TDRD9: variants seen among roughly 807,000 people sequenced by gnomAD.
The protein encoded by TDRD9 is ATP-dependent RNA helicase TDRD9.
A neutral mutation model predicts 172.6 loss-of-function variants in TDRD9; 124 were observed. The ratio of observed to expected loss-of-function variants is 0.72; its 90% CI spans 0.62 to 0.83. TDRD9 has a LOEUF of 0.83. Ranked by LOEUF, TDRD9 falls within the 40% of genes least tolerant of loss-of-function variation. The pLI, the probability that TDRD9 is intolerant of heterozygous loss-of-function variation, is 0.00. For missense variants in TDRD9, 1,479 were observed against 1,714.1 expected (o/e 0.86, Z 2.42); for synonymous variants, 619 against 617.1 (o/e 1.00, Z -0.05).
At chr14:104,000,001 G>A (rs1427529516) in intron 13 of TDRD9, among the ~76,000 whole-genome samples, 1 of 151,806 alleles carries the variant, frequency 6.6e-6, no homozygotes, top group Middle Eastern at 3.2e-3. Flanking sequence ...TGCCTAGAGA[G>A]GGGTTAAGAG....
chr14:103,958,961 GAAGGTATGA>G, intron 2 of TDRD9, among the ~76,000 whole-genome samples: 1 of 152,334 alleles, frequency 6.6e-6, no homozygotes, highest in East Asian at 1.9e-4. Flanking sequence ...AGAGCAGTGG[GAAGGTATGA>G]AAGTTTCCAT....
chr14:103,930,988 G>A (rs1041404041), intron 1 of TDRD9, among the ~76,000 whole-genome samples: 2 of 152,018 alleles, frequency 1.3e-5, no homozygotes, highest in Admixed American at 6.6e-5. Flanking sequence ...CATACTAATC[G>A]CAGTTAAAAA....
Position 104,008,644 on chromosome 14 carries a change from T to TA in TDRD9, c.2106+179dup, listed in dbSNP as rs531754667. Reference sequence around the variant, plus strand: ...TTGTGTTTTCACCTTTCAGTAGAACTACTTGGGTTTCTAATAAATACTCCT... The same window carrying TA: ...TTGTGTTTTCACCTTTCAGTAGAACTAACTTGGGTTTCTAATAAATACTCCT... On this transcript the variant is annotated intron_variant, in intron 20 of 35. Transcript: ENST00000409874. 5.1e-3 allele frequency among the ~76,000 whole-genome samples: 776 copies of TA among 152,366 alleles called. 6 individuals are homozygous for TA. Among genetic ancestry groups the TA allele is most frequent in the Middle Eastern group, 0.044 (13 of 294 alleles).
intron 7 of TDRD9, among the ~76,000 whole-genome samples, chr14:103,977,010 C>T (rs1196211059): frequency 1.3e-5 from 2 of 152,200 alleles, no homozygotes; most frequent in Non-Finnish European, 2.9e-5. Flanking sequence ...GTGTGAATCA[C>T]TGCACCCAGC....
chr14:104,025,904 C>T (rs1596002544), intron 26 of TDRD9, 128 bp downstream of exon 26: 4 of 1,002,024 alleles, frequency 4.0e-6, no homozygotes, highest in Non-Finnish European at 6.1e-6. Context: ...AGTCTGTTTC[C>T]CTCATTGATA....
At chr14:103,982,064 A>ACTTGTCATGTTACCTCACC (rs1182021977) in intron 7 of TDRD9, among the ~76,000 whole-genome samples, 1 of 152,026 alleles carries the variant, frequency 6.6e-6, no homozygotes, top group African/African-American at 2.4e-5. Context: ...TACAAGGGAG[A>ACTTGTCATGTTACCTCACC]AGCCCCCTTT....
chr14:103,979,256 A>G (rs1566755543), intron 7 of TDRD9, among the ~76,000 whole-genome samples: 1 of 152,180 alleles, frequency 6.6e-6, no homozygotes. Flanking sequence ...TCCATTGTGT[A>G]TATATTCTCC....
intron 28 of TDRD9, among the ~76,000 whole-genome samples, chr14:104,027,370 G>A (rs1322436902): frequency 6.6e-6 from 1 of 151,930 alleles, no homozygotes; most frequent in Non-Finnish European, 1.5e-5. Flanking sequence ...TATCTTCTTA[G>A]GATAGATTTG....
At chr14:103,985,627 G>T (rs964148369) in intron 7 of TDRD9, among the ~76,000 whole-genome samples, 1 of 152,142 alleles carries the variant, frequency 6.6e-6, no homozygotes, top group Non-Finnish European at 1.5e-5. Context: ...ACATTATCTG[G>T]TCTTGGTGTC....
In TDRD9 at chr14:103,997,756, A is replaced by C. The variant is rs374528888; in HGVS notation, c.1379-868A>C. ...CAGAGGCCTAGACACCCAGTGGGAA[A>C]AGGGTCTTGAGGGGATGGAGTGGAG... On this transcript the variant is annotated intron_variant, in intron 12 of 35. Coordinates refer to ENST00000409874, the MANE Select transcript of TDRD9 (RefSeq NM_153046.3). The surrounding 1 kb of genome is among the most constrained non-coding windows in gnomAD (Gnocchi z 5.1). 2.6e-5 allele frequency among the ~76,000 whole-genome samples: 4 copies of C among 152,152 alleles called. No homozygotes were observed. The highest frequency in any genetic ancestry group is 9.7e-5 in the African/African-American group (4 of 41,444).
chr14:104,041,089 C>T (rs1052188828), intron 33 of TDRD9, among the ~76,000 whole-genome samples: 1 of 152,134 alleles, frequency 6.6e-6, no homozygotes, highest in African/African-American at 2.4e-5. Context: ...GTGAGGTTAA[C>T]ATAACCACAC....
chr14:103,963,841 T>A (rs2032618432), intron 3 of TDRD9, among the ~76,000 whole-genome samples: 1 of 152,236 alleles, frequency 6.6e-6, no homozygotes, highest in South Asian at 2.1e-4. Context: ...AGTATTCAAA[T>A]TAATTTGTAT....
At chr14:104,013,413 G>A (rs1394139907) in intron 20 of TDRD9, among the ~76,000 whole-genome samples, 2 of 152,180 alleles carry the variant, frequency 1.3e-5, no homozygotes, top group African/African-American at 4.8e-5. Flanking sequence ...TCATGGCAGA[G>A]GCTGGGACGT....
chr14:103,995,674 T>C (rs1477425909), intron 11 of TDRD9, 76 bp from the exon 12 acceptor site: 7 of 1,313,350 alleles, frequency 5.3e-6, no homozygotes, highest in East Asian at 2.4e-5. Flanking sequence ...AAATAATTTT[T>C]GCATTTTTGT....
intron 7 of TDRD9, among the ~76,000 whole-genome samples, chr14:103,981,044 A>G (rs980497967): frequency 6.6e-6 from 1 of 152,216 alleles, no homozygotes; most frequent in African/African-American, 2.4e-5. Context: ...ATCTAGTATA[A>G]CTATTCTTAT....
chr14:103,949,013 T>C (rs28439019), intron 1 of TDRD9, among the ~76,000 whole-genome samples: 7,684 of 151,946 alleles, frequency 0.051, 385 homozygotes, highest in Admixed American at 0.13. Context: ...TGGCTAGGAA[T>C]AGAGGGAAAT....
In TDRD9 at chr14:104,031,227, C is replaced by T; in HGVS notation, c.3402C>T (p.Ser1134=). ...EKYLIRILLE[S]FSTNKLGTPN... is the part of the protein sequence containing the mutation. ...ATCTCATCCGGATTTTGTTAGAGAG[C>T]TTTTCTACCAATAAACTGGGTACTC... Residue 1134 remains serine (S), a synonymous_variant, in exon 29 of 36, where the codon AGC becomes AGT. Coordinates refer to ENST00000409874, the MANE Select transcript of TDRD9 (RefSeq NM_153046.3). 1 of 1,551,826 alleles carries T rather than the reference C, an allele frequency of 6.4e-7. No individual in the cohort carries two copies. The highest frequency in any genetic ancestry group is 1.2e-5 in the South Asian group (1 of 84,058).
chr14:104,024,004 A>G (rs2152242502), intron 24 of TDRD9, among the ~76,000 whole-genome samples: 1 of 152,344 alleles, frequency 6.6e-6, no homozygotes, highest in East Asian at 1.9e-4. Context: ...TTTTAGAATA[A>G]AGTATTAGGA....
intron 21 of TDRD9, 111 bp from the exon 22 acceptor site, chr14:104,015,870 C>T: frequency 1.4e-6 from 1 of 712,712 alleles, no homozygotes; most frequent in Non-Finnish European, 2.2e-6. Flanking sequence ...CAAACGATAA[C>T]CATCTTTTAC....
Sources: allele counts gnomAD v4.1 joint callset (sites outside exome capture counted in the v4.1 genomes callset), GRCh38; gene constraint gnomAD v4.1.1; non-coding constraint Gnocchi (gnomAD v3.1); transcripts MANE v1.5; gene names NCBI Gene and HGNC (gene_info 2026-07-23, HGNC 2026-07-21).